Variants in SCARF1 observed in about 807,000 individuals in gnomAD.
SCARF1 encodes acetyl LDL receptor.
SCARF1 carries 49 observed loss-of-function variants against 76.3 expected under a neutral mutation model. The ratio of observed to expected loss-of-function variants is 0.64; its 90% CI spans 0.51 to 0.81. SCARF1 has a LOEUF of 0.81. SCARF1 is among the 40% of genes least tolerant of loss of function. The pLI, the probability that SCARF1 is intolerant of heterozygous loss-of-function variation, is 0.00. For synonymous variants in SCARF1, 495 were observed against 474.6 expected (o/e 1.04, Z -0.56); for missense variants, 1,098 against 1,143.9 (o/e 0.96, Z 0.58).
intron 8 of SCARF1, chr17:1,638,168 C>T (rs1032340966): frequency 1.3e-5 from 2 of 152,294 alleles, no homozygotes; most frequent in Non-Finnish European, 2.9e-5. Flanking sequence ...TTCCAAACCT[C>T]CACGCTGCTG....
At position 1,637,010 on chromosome 17, in the gene SCARF1, TC is replaced by T; in HGVS notation, c.1416del (p.Thr473HisfsTer2). On this transcript the variant is annotated frameshift_variant, in exon 9 of 11. Coordinates refer to ENST00000263071, the MANE Select transcript of SCARF1 (RefSeq NM_003693.4). LOFTEE classifies it high-confidence loss of function. ...AGCGTGGAGCCCAAGCTGGTCAGTG[TC>T]CCCCAGACCTGCAGCTTCATCCTGG... Reference protein sequence around the residue: ...TVSRMKLQVWGTLTSLGSTLP... With the variant: ...TVSRMKLQVWXTLTSLGSTLP... The T allele has an allele frequency of 6.2e-7, 1 of 1,613,766 alleles. No homozygotes were observed. The highest frequency in any genetic ancestry group is 8.5e-7 in the Non-Finnish European group (1 of 1,179,962).
rs776648030 is a variant in SCARF1 at position 1,634,794 on chromosome 17, C to T, written c.2457G>A (p.Glu819=). 6.2e-7 allele frequency: 1 copy of T among 1,610,106 alleles called. No individual in the cohort carries two copies. Among genetic ancestry groups the T allele is most frequent in the Non-Finnish European group, 8.5e-7 (1 of 1,178,130 alleles). ...EEERQEEPEY[E]NVVPISRPPE... ...GTGGCCTGGAGATGGGTACAACATTCTCATACTCAGGTTCCTCCTGCCTTT... is the reference window on the plus strand; with the variant it reads ...GTGGCCTGGAGATGGGTACAACATTTTCATACTCAGGTTCCTCCTGCCTTT... The change falls in exon 11 of 11, where the codon GAG becomes GAA. Residue 819 remains glutamate (E), a synonymous_variant. Coordinates refer to ENST00000263071, the MANE Select transcript of SCARF1 (RefSeq NM_003693.4).
At chr17:1,636,311 A>G (rs376830113) in intron 10 of SCARF1, among the ~76,000 whole-genome samples, 7 of 152,332 alleles carry the variant, frequency 4.6e-5, no homozygotes, top group African/African-American at 1.7e-4. Context: ...CGGAGCCAAG[A>G]ACAGTGACTA....
At chr17:1,641,735 TC>T (rs1910069630) in intron 4 of SCARF1, among the ~76,000 whole-genome samples, 1 of 152,196 alleles carries the variant, frequency 6.6e-6, no homozygotes, top group Non-Finnish European at 1.5e-5. Context: ...ATTATTATTT[TC>T]TTCAAGACTG....
rs2151101134 is a variant in SCARF1, at chr17:1,643,906, G to C, written c.327C>G (p.Gly109=). The change falls in exon 4 of 11, where the codon GGC becomes GGG. Residue 109 remains glycine (G), a synonymous_variant. Coordinates refer to ENST00000263071, the MANE Select transcript of SCARF1 (RefSeq NM_003693.4). ...ACGCGCCCGTGGCTGGCTCGCACTG[G>C]CCGTGCGGGTGGCAGGGGCAGCTCT... is the stretch of plus-strand genomic sequence containing the variant. ...CRESCPCHPH[G]QCEPATGACQ... The C allele has an allele frequency of 7.5e-7, 1 of 1,340,478 alleles. No individual in the cohort carries two copies. The highest frequency in any genetic ancestry group is 3.1e-5 in the East Asian group (1 of 32,512). The allele number at this position is 1,340,478 out of a possible 1,614,324, so 83.0% of individuals were successfully genotyped here.
Position 1,640,210 on chromosome 17 carries a change from G to T in SCARF1, c.1011-170C>A, listed in dbSNP as rs760956337. 44 of 836,770 alleles carry T rather than the reference G, an allele frequency of 5.3e-5. No individual in the cohort carries two copies. Among genetic ancestry groups the T allele is most frequent in the Middle Eastern group, 7.2e-4 (2 of 2,760 alleles). The allele number at this position is 836,770 out of a possible 1,614,324, so 51.8% of individuals were successfully genotyped here. A position where few individuals can be genotyped will look rare whatever the true frequency, so the allele number is the denominator to read the frequency against. ...TTGAACTTGGGGCCAAATCCAGCAG[G>T]TGACAGACTACAAGTCCCCAGAGGG... On this transcript the variant is annotated intron_variant, in intron 5 of 10. Coordinates refer to ENST00000263071, the MANE Select transcript of SCARF1 (RefSeq NM_003693.4). The surrounding 1 kb of genome is among the most constrained non-coding windows in gnomAD (Gnocchi z 4.7).
At position 1,645,177 on chromosome 17, in the gene SCARF1, C is replaced by T. The variant is rs771755983; in HGVS notation, c.163+1G>A. The T allele has an allele frequency of 1.9e-5, 31 of 1,613,734 alleles. No homozygotes were observed. The highest frequency in any genetic ancestry group is 2.5e-5 in the Non-Finnish European group (30 of 1,179,980). ...GCTGAGGGTCTGTCCTGGCTACTCACGGATGGTGCATTCTTGATCCTTCTG... is the reference window on the plus strand; with the variant it reads ...GCTGAGGGTCTGTCCTGGCTACTCATGGATGGTGCATTCTTGATCCTTCTG... On this transcript the variant is annotated splice_donor_variant, in intron 2 of 10. Coordinates refer to ENST00000263071, the MANE Select transcript of SCARF1 (RefSeq NM_003693.4). LOFTEE classifies it high-confidence loss of function. The surrounding 1 kb of genome is among the most constrained non-coding windows in gnomAD (Gnocchi z 6.3).
Position 1,644,881 on chromosome 17 carries a change from C to T in SCARF1, c.218G>A (p.Gly73Asp). The T allele has an allele frequency of 6.2e-7, 1 of 1,613,522 alleles. No individual in the cohort carries two copies. The change falls in exon 3 of 11, where the codon GGC becomes GAC. Residue 73 changes from glycine (G) to aspartate (D), a missense_variant. By Grantham distance (94) the Gly-to-Asp change is moderately conservative. Transcript: ENST00000263071. The surrounding 1 kb of genome is among the most constrained non-coding windows in gnomAD (Gnocchi z 4.8). ...CQKDEVCVKP[G>D]LCRCKPGFFG... ...GAATCCAGGCTTGCATCGACAGAGGCCCGGCTTCACACACACCTCGTCTTT... is the reference window on the plus strand; with the variant it reads ...GAATCCAGGCTTGCATCGACAGAGGTCCGGCTTCACACACACCTCGTCTTT...
At position 1,635,401 on chromosome 17, in the gene SCARF1, T is replaced by C. The variant is rs148112294; in HGVS notation, c.1850A>G (p.Lys617Arg). The change falls in exon 11 of 11, where the codon AAG becomes AGG. Residue 617 changes from lysine to arginine, a missense_variant. Physicochemically the swap from Lys to Arg is conservative, Grantham distance 26. Coordinates refer to ENST00000263071, the MANE Select transcript of SCARF1 (RefSeq NM_003693.4). ...GELSSPLRKP[K>R]RLSRGAQSGP... is the part of the protein sequence containing the mutation. Reference sequence around the variant, plus strand: ...CGACTGCGCCCCCCGGGAGAGCCTCTTGGGCTTTCGGAGCGGGCTGGAGAG... The same window carrying C: ...CGACTGCGCCCCCCGGGAGAGCCTCCTGGGCTTTCGGAGCGGGCTGGAGAG... The C allele has an allele frequency of 2.5e-6, 4 of 1,613,738 alleles. No homozygotes were observed. The highest frequency in any genetic ancestry group is 3.3e-5 in the Admixed American group (2 of 59,998).
chr17:1,639,194 C>A (rs1266592881), intron 7 of SCARF1, among the ~76,000 whole-genome samples: 1 of 152,208 alleles, frequency 6.6e-6, no homozygotes. Flanking sequence ...AGAGCATCCA[C>A]ACAGAGCTCA....
In SCARF1 at chr17:1,638,983, C is replaced by T; in HGVS notation, c.1244-57G>A. ...CCTTCCTGTCTCCTACACATCCTGT[C>T]TTTGCTCTGAGTTGCCTGCTACCCA... On this transcript the variant is annotated intron_variant, in intron 7 of 10. Coordinates refer to ENST00000263071, the MANE Select transcript of SCARF1 (RefSeq NM_003693.4). The T allele has an allele frequency of 4.0e-6, 6 of 1,487,370 alleles. No homozygotes were observed. The South Asian group carries it at 5.7e-5, about 14-fold the overall frequency. 92.1% of individuals were successfully genotyped at this position (1,487,370 alleles called of 1,614,324 possible).
intron 8 of SCARF1, 71 bp from the exon 9 acceptor site, chr17:1,637,133 G>A: frequency 6.5e-7 from 1 of 1,529,992 alleles, no homozygotes; most frequent in African/African-American, 1.4e-5. Flanking sequence ...TTGGCAGGGT[G>A]TGACAGGGTG....
chr17:1,635,070 G>A lies in SCARF1; in HGVS notation c.2181C>T (p.Ala727=), dbSNP rs889738253. The A allele has an allele frequency of 7.4e-6, 12 of 1,613,984 alleles. No homozygotes were observed. Among genetic ancestry groups the A allele is most frequent in the Non-Finnish European group, 1.0e-5 (12 of 1,179,970 alleles). Residue 727 remains alanine, a synonymous_variant, in exon 11 of 11, where the codon GCC becomes GCT. Transcript: ENST00000263071. ...KGQAEAKVKR[A]IPKPPRQALN... ...GGGCCTGGCGCGGAGGCTTAGGGAT[G>A]GCCCTCTTGACCTTGGCTTCCGCCT...
At position 1,645,062 on chromosome 17, in the gene SCARF1, G is replaced by A; in HGVS notation, c.163+116C>T. ...CTTCAGGCCTGGGGGTGCGTCACAG[G>A]AGAAACCCTGACTCCTGGTATCAGG... On this transcript the variant is annotated intron_variant, in intron 2 of 10. Transcript: ENST00000263071. The surrounding 1 kb of genome is among the most constrained non-coding windows in gnomAD (Gnocchi z 6.3). The A allele has an allele frequency of 6.5e-7, 1 of 1,537,594 alleles. No individual in the cohort carries two copies. Among genetic ancestry groups the A allele is most frequent in the South Asian group, 1.2e-5 (1 of 86,752 alleles).
intron 8 of SCARF1, 167 bp downstream of exon 8, chr17:1,638,639 T>A: frequency 3.2e-4 from 198 of 627,760 alleles, no homozygotes; most frequent in Admixed American, 4.3e-4. Context: ...CCCACCCCCA[T>A]CACCTCTGAC....
rs142680719 is a variant in SCARF1, at chr17:1,637,462, TTCTC to T, written c.1365-404_1365-401del. ...ATCCTAGCTGAGCCTCAGCTCACGT[TTCTC>T]TCTCTCTCTCTCTCTCTATTTTTGG... On this transcript the variant is annotated intron_variant, in intron 8 of 10. Coordinates refer to ENST00000263071, the MANE Select transcript of SCARF1 (RefSeq NM_003693.4). Among the ~76,000 whole-genome samples, 11 of 148,858 alleles carry T rather than the reference TTCTC, an allele frequency of 7.4e-5. No individual in the cohort carries two copies. In the South Asian group the frequency reaches 1.9e-3, roughly 26 times the overall value.
chr17:1,635,972 C>T (rs1316577825), intron 10 of SCARF1, among the ~76,000 whole-genome samples: 1 of 152,088 alleles, frequency 6.6e-6, no homozygotes, highest in Non-Finnish European at 1.5e-5. Flanking sequence ...CTGTCACACT[C>T]TTACCAAGCT....
In SCARF1 at chr17:1,644,465, G is replaced by T; in HGVS notation, c.265+369C>A. 3.1e-6 allele frequency: 1 copy of T among 323,282 alleles called. No homozygotes were observed. The highest frequency in any genetic ancestry group is 5.7e-6 in the Non-Finnish European group (1 of 174,334). 20.0% of individuals were successfully genotyped at this position (323,282 alleles called of 1,614,324 possible). Reference sequence around the variant, plus strand: ...ACCCCTTTCCCTTCCCTCTCTTTCTGCCAGAGAGGGCAGAGAGCCCAGCCA... The same window carrying T: ...ACCCCTTTCCCTTCCCTCTCTTTCTTCCAGAGAGGGCAGAGAGCCCAGCCA... On this transcript the variant is annotated intron_variant, in intron 3 of 10. Transcript: ENST00000263071. This position sits in a 1 kb window ranked among gnomAD's most constrained non-coding sequence, Gnocchi z 4.8.
chr17:1,637,462 TTC>T (rs142680719), intron 8 of SCARF1, among the ~76,000 whole-genome samples: 125 of 147,794 alleles, frequency 8.5e-4, no homozygotes, highest in Non-Finnish European at 8.9e-4. Flanking sequence ...CAGCTCACGT[TTC>T]TCTCTCTCTC....
Sources: allele counts gnomAD v4.1 joint callset (sites outside exome capture counted in the v4.1 genomes callset), GRCh38; gene constraint gnomAD v4.1.1; non-coding constraint Gnocchi (gnomAD v3.1); transcripts MANE v1.5; gene names NCBI Gene and HGNC (gene_info 2026-07-23, HGNC 2026-07-21).